STARD13: variants seen among roughly 807,000 people sequenced by gnomAD.
The protein encoded by STARD13 is stAR-related lipid transfer protein 13.
A neutral mutation model predicts 106.4 loss-of-function variants in STARD13; 62 were observed. The ratio of observed to expected loss-of-function variants is 0.58; its 90% CI spans 0.48 to 0.72. The LOEUF (loss-of-function observed/expected upper bound fraction) is 0.72, where lower values mean the gene tolerates loss of function less well. STARD13 is among the 30% of genes least tolerant of loss of function. STARD13 has a pLI of 0.00. For missense variants in STARD13, 1,387 were observed against 1,424.0 expected (o/e 0.97, Z 0.42); for synonymous variants, 565 against 553.0 (o/e 1.02, Z -0.31).
chr13:33,307,755 T>C (rs2138486956), intron 1 of STARD13, among the ~76,000 whole-genome samples: 1 of 152,276 alleles, frequency 6.6e-6, no homozygotes, highest in Non-Finnish European at 1.5e-5. Context: ...CAAACCTCCA[T>C]GGTACACATT....
At chr13:33,500,982 T>C in the STARD13 span, among the ~76,000 whole-genome samples, 1 of 147,982 alleles carries the variant, frequency 6.8e-6, no homozygotes, top group Non-Finnish European at 1.5e-5. Flanking sequence ...AAAAACAGTA[T>C]AACTATCGGA....
chr13:33,172,173 A>C (rs1351489005), intron 1 of STARD13, among the ~76,000 whole-genome samples: 1 of 152,168 alleles, frequency 6.6e-6, no homozygotes, highest in Non-Finnish European at 1.5e-5. Context: ...TCTTTGGTTG[A>C]CTGCTTTTTT....
chr13:33,238,846 G>A (rs1889324820), intron 1 of STARD13, among the ~76,000 whole-genome samples: 2 of 151,690 alleles, frequency 1.3e-5, no homozygotes, highest in Non-Finnish European at 2.9e-5. Context: ...TTTTATTGTG[G>A]TAAAAAAACA....
intron 1 of STARD13, among the ~76,000 whole-genome samples, chr13:33,198,306 C>T (rs1886783883): frequency 6.6e-6 from 1 of 152,118 alleles, no homozygotes; most frequent in Non-Finnish European, 1.5e-5. Flanking sequence ...TGTTTCTCTC[C>T]TTTTCCCTCT....
intron 1 of STARD13, among the ~76,000 whole-genome samples, chr13:33,246,389 A>G (rs1370520347): frequency 6.6e-6 from 1 of 152,154 alleles, no homozygotes; most frequent in Non-Finnish European, 1.5e-5. Context: ...TCTCTAGTCC[A>G]CCTGAGCTTC....
At chr13:33,647,481 C>T in the STARD13 span, among the ~76,000 whole-genome samples, 5 of 152,212 alleles carry the variant, frequency 3.3e-5, no homozygotes, top group Admixed American at 2.0e-4. Context: ...CCCTTCCCCT[C>T]CCTGCTCCTT....
the STARD13 span, among the ~76,000 whole-genome samples, chr13:33,442,107 A>G: frequency 6.6e-6 from 1 of 152,256 alleles, no homozygotes; most frequent in Non-Finnish European, 1.5e-5. Context: ...AAGCTGTGTT[A>G]CTTGAACATA....
intron 1 of STARD13, among the ~76,000 whole-genome samples, chr13:33,205,233 T>A (rs939751038): frequency 6.6e-6 from 1 of 152,216 alleles, no homozygotes; most frequent in Non-Finnish European, 1.5e-5. Flanking sequence ...TAGCTTATGT[T>A]CTGAAAGAGG....
chr13:33,272,309 T>C (rs1479558234), intron 1 of STARD13, among the ~76,000 whole-genome samples: 1 of 152,218 alleles, frequency 6.6e-6, no homozygotes, highest in Non-Finnish European at 1.5e-5. Context: ...AATGGGCATT[T>C]CCTTTCAGTG....
the STARD13 span, among the ~76,000 whole-genome samples, chr13:33,466,379 T>C: frequency 1.3e-5 from 2 of 152,188 alleles, no homozygotes; most frequent in African/African-American, 4.8e-5. Context: ...TAAAATACCC[T>C]GCATCCCTCT....
chr13:33,548,356 A>G, the STARD13 span, among the ~76,000 whole-genome samples: 2 of 152,220 alleles, frequency 1.3e-5, no homozygotes, highest in African/African-American at 4.8e-5. Context: ...GTTGGTTGAA[A>G]AAAACCCAAA....
At chr13:33,502,460 G>A in the STARD13 span, among the ~76,000 whole-genome samples, 1 of 152,160 alleles carries the variant, frequency 6.6e-6, no homozygotes, top group Non-Finnish European at 1.5e-5. Context: ...CCTGTCTTGT[G>A]CCAGTTTTCA....
chr13:33,591,736 C>T, the STARD13 span, among the ~76,000 whole-genome samples: 5 of 152,180 alleles, frequency 3.3e-5, no homozygotes, highest in South Asian at 2.1e-4. Context: ...GCTTTACACA[C>T]GACAGTCATT....
At chr13:33,121,669 CTTTTTTTTTTT>C (rs398022242) in intron 7 of STARD13, among the ~76,000 whole-genome samples, 1 of 110,480 alleles carries the variant, frequency 9.1e-6, no homozygotes, top group Non-Finnish European at 1.7e-5. Context: ...GTTGTTCATC[CTTTTTTTTTTT>C]TTTTTTTGAG....
chr13:33,621,548 T>C, the STARD13 span, among the ~76,000 whole-genome samples: 30 of 151,278 alleles, frequency 2.0e-4, no homozygotes, highest in South Asian at 1.9e-3. Context: ...GGTGTGGTGG[T>C]GGGTGCCTGT....
chr13:33,544,059 G>A, the STARD13 span, among the ~76,000 whole-genome samples: 2 of 152,168 alleles, frequency 1.3e-5, no homozygotes, highest in Non-Finnish European at 2.9e-5. Flanking sequence ...AGAGGGTGCT[G>A]TAATACCAAG....
intron 1 of STARD13, among the ~76,000 whole-genome samples, chr13:33,322,870 T>C (rs1226822010): frequency 6.6e-6 from 1 of 152,220 alleles, no homozygotes; most frequent in Admixed American, 6.5e-5. Context: ...ACAATGTCCC[T>C]GTGGATGTTG....
Position 33,145,606 on chromosome 13 carries a change from T to A in STARD13, c.324-3233A>T, listed in dbSNP as rs141694168. On this transcript the variant is annotated intron_variant, in intron 3 of 13. Coordinates refer to ENST00000336934, the MANE Select transcript of STARD13 (RefSeq NM_178006.4). ...CTTTAATCATAAGATAGCCAAAAAG[T>A]AGAAATGGCCCAAATGTCCATCAGC... 2.1e-3 allele frequency among the ~76,000 whole-genome samples: 326 copies of A among 152,242 alleles called. 3 individuals carry two copies. The highest frequency in any genetic ancestry group is 7.5e-3 in the African/African-American group (311 of 41,552).
At chr13:33,627,670 A>G in the STARD13 span, among the ~76,000 whole-genome samples, 5 of 151,970 alleles carry the variant, frequency 3.3e-5, no homozygotes, top group Non-Finnish European at 5.9e-5. Context: ...TTCTGCCTCA[A>G]GATAGGTTGA....
Sources: gnomAD v4.1 joint callset for allele counts (sites outside exome capture counted in the v4.1 genomes callset) on GRCh38, gnomAD v4.1.1 for gene constraint, MANE v1.5 for transcripts, NCBI Gene and HGNC (gene_info 2026-07-23, HGNC 2026-07-21) for gene names.